TAF1B: variants seen among roughly 807,000 people sequenced by gnomAD.
TAF1B encodes TATA-box binding protein associated factor, RNA polymerase I subunit B, also known as TATA box-binding protein-associated factor RNA polymerase I subunit B.
A neutral mutation model predicts 83.9 loss-of-function variants in TAF1B; 61 were observed. That is an observed-to-expected ratio of 0.73 (90% CI 0.59 to 0.90). TAF1B has a LOEUF of 0.90. Among genes scored for constraint, TAF1B ranks in the 40% least tolerant of loss-of-function variants. TAF1B has a pLI of 0.00. For missense variants in TAF1B, 625 were observed against 677.0 expected, an observed-to-expected ratio of 0.92 and a Z score of 0.85; for synonymous variants, 221 against 224.6, an observed-to-expected ratio of 0.98 and a Z score of 0.14.
intron 8 of TAF1B, among the ~76,000 whole-genome samples, chr2:9,898,324 TTC>T (rs1190505623): frequency 6.6e-6 from 1 of 152,206 alleles, no homozygotes; most frequent in East Asian, 1.9e-4. Flanking sequence ...TTGCAAGTGA[TTC>T]TGATGGAGAT....
At chr2:9,895,813 CTTTTT>C (rs34044860) in intron 8 of TAF1B, among the ~76,000 whole-genome samples, 3 of 112,476 alleles carry the variant, frequency 2.7e-5, no homozygotes, top group Non-Finnish European at 1.8e-5. Flanking sequence ...GCACTGCACT[CTTTTT>C]TTTTTTTTTT....
intron 6 of TAF1B, among the ~76,000 whole-genome samples, chr2:9,873,696 A>G (rs1006041654): frequency 6.6e-6 from 1 of 150,896 alleles, no homozygotes; most frequent in Non-Finnish European, 1.5e-5. Context: ...GCTCAGGCCA[A>G]CAACCTTATA....
intron 8 of TAF1B, among the ~76,000 whole-genome samples, chr2:9,900,766 A>G (rs1665157490): frequency 3.3e-5 from 5 of 152,124 alleles, no homozygotes. Flanking sequence ...ATGTTCCTAA[A>G]TGTTTGCTTT....
At chr2:9,911,468 A>G (rs955939755) in intron 10 of TAF1B, 43 bp from the exon 11 acceptor site, 2 of 1,405,490 alleles carry the variant, frequency 1.4e-6, no homozygotes, top group Non-Finnish European at 1.9e-6. Flanking sequence ...CTTTCCAAAT[A>G]CATGACTTCT....
intron 8 of TAF1B, among the ~76,000 whole-genome samples, chr2:9,899,559 T>C (rs1572264121): frequency 6.6e-6 from 1 of 152,238 alleles, no homozygotes; most frequent in South Asian, 2.1e-4. Context: ...AACATTGGTA[T>C]ACAAATATTT....
chr2:9,852,200 T>C, intron 4 of TAF1B: 1 of 295,568 alleles, frequency 3.4e-6, no homozygotes, highest in Non-Finnish European at 6.7e-6. Context: ...AGAATGTGCA[T>C]TTCTAACAAG....
rs925983855 is a variant in TAF1B, at chr2:9,858,906, G to T, written c.399+4485G>T. Among the ~76,000 whole-genome samples, 75 of 152,302 alleles carry T rather than the reference G, an allele frequency of 4.9e-4. 2 individuals are homozygous for T. The highest frequency in any genetic ancestry group is 1.6e-3 in the African/African-American group (67 of 41,558). ...GGCATCTGGGCCTGTGATGGGAGGGGCTGTCTCGAAGATCTCTGACATGCC... is the reference window on the plus strand; with the variant it reads ...GGCATCTGGGCCTGTGATGGGAGGGTCTGTCTCGAAGATCTCTGACATGCC... On this transcript the variant is annotated intron_variant, in intron 5 of 14. Transcript: ENST00000263663.
intron 5 of TAF1B, among the ~76,000 whole-genome samples, chr2:9,856,260 T>C (rs1263945918): frequency 6.6e-6 from 1 of 151,758 alleles, no homozygotes; most frequent in Non-Finnish European, 1.5e-5. Flanking sequence ...GGTTAAATGT[T>C]ATCCTGGCGG....
chr2:9,916,169 T>G (rs1289925851), intron 12 of TAF1B, among the ~76,000 whole-genome samples: 1 of 152,208 alleles, frequency 6.6e-6, no homozygotes, highest in Non-Finnish European at 1.5e-5. Flanking sequence ...TTGTCAGTGC[T>G]AGCAGAACTA....
At chr2:9,861,321 G>A (rs900890153) in intron 5 of TAF1B, among the ~76,000 whole-genome samples, 7 of 152,262 alleles carry the variant, frequency 4.6e-5, no homozygotes, top group African/African-American at 1.7e-4. Flanking sequence ...GGCTTGGAGG[G>A]TGCTATGCCC....
intron 8 of TAF1B, among the ~76,000 whole-genome samples, chr2:9,883,982 G>T (rs11691885): frequency 0.31 from 47,818 of 152,082 alleles, 7,928 homozygotes; most frequent in African/African-American, 0.39. Flanking sequence ...CGCCCACTCC[G>T]CCTGGCAGGC....
intron 8 of TAF1B, among the ~76,000 whole-genome samples, chr2:9,903,346 A>G (rs1665241621): frequency 1.3e-5 from 2 of 152,094 alleles, no homozygotes; most frequent in African/African-American, 4.8e-5. Context: ...CGGCCTCCCA[A>G]AGTGCTGGGA....
At chr2:9,918,071 CAAAAA>C (rs777139466) in intron 12 of TAF1B, among the ~76,000 whole-genome samples, 1 of 111,696 alleles carries the variant, frequency 9.0e-6, no homozygotes, top group Non-Finnish European at 1.8e-5. Context: ...GACTCCGTCT[CAAAAA>C]AAAAAAAAGA....
At position 9,862,554 on chromosome 2, in the gene TAF1B, G is replaced by C. The variant is rs561960370; in HGVS notation, c.400-5722G>C. On this transcript the variant is annotated intron_variant, in intron 5 of 14. Coordinates refer to ENST00000263663, the MANE Select transcript of TAF1B (RefSeq NM_005680.3). ...TATCCAGGAGAACTTCCCCAATCTAGCAAGGCAGGCCAACATTCAAATTCA... is the reference window on the plus strand; with the variant it reads ...TATCCAGGAGAACTTCCCCAATCTACCAAGGCAGGCCAACATTCAAATTCA... 3.3e-5 allele frequency among the ~76,000 whole-genome samples: 5 copies of C among 152,302 alleles called. No homozygotes were observed. In the East Asian group the frequency reaches 9.6e-4, roughly 29 times the overall value.
chr2:9,879,265 A>AT (rs1664419169), intron 7 of TAF1B, among the ~76,000 whole-genome samples: 1 of 152,198 alleles, frequency 6.6e-6, no homozygotes, highest in Admixed American at 6.5e-5. Context: ...TGAGGCTGTT[A>AT]TTAAGTAAAA....
intron 6 of TAF1B, among the ~76,000 whole-genome samples, chr2:9,873,313 G>T (rs1219129378): frequency 6.6e-6 from 1 of 152,192 alleles, no homozygotes; most frequent in African/African-American, 2.4e-5. Context: ...AGGACTTACA[G>T]AATTTGGAGA....
chr2:9,900,538 A>AAAT (rs781648764), intron 8 of TAF1B, among the ~76,000 whole-genome samples: 4 of 152,104 alleles, frequency 2.6e-5, no homozygotes, highest in Non-Finnish European at 4.4e-5. Flanking sequence ...CCTGTCTCAA[A>AAAT]AATAATAATA....
chr2:9,882,705 G>A lies in TAF1B; in HGVS notation c.708-1G>A. 5.6e-6 allele frequency: 9 copies of A among 1,597,422 alleles called. No homozygotes were observed. Among genetic ancestry groups the A allele is most frequent in the African/African-American group, 1.3e-5 (1 of 74,284 alleles). On this transcript the variant is annotated splice_acceptor_variant, in intron 7 of 14. Coordinates refer to ENST00000263663, the MANE Select transcript of TAF1B (RefSeq NM_005680.3). LOFTEE classifies it high-confidence loss of function. ...AAACCTTTTTCTTTTTAAAAATACA[G>A]GTTTGTTGAAGAGGACCATATTCCT... is the stretch of plus-strand genomic sequence containing the variant.
At chr2:9,873,312 A>G (rs1664225080) in intron 6 of TAF1B, among the ~76,000 whole-genome samples, 1 of 152,242 alleles carries the variant, frequency 6.6e-6, no homozygotes, top group African/African-American at 2.4e-5. Flanking sequence ...AAGGACTTAC[A>G]GAATTTGGAG....
Sources: gnomAD v4.1 joint callset for allele counts (sites outside exome capture counted in the v4.1 genomes callset) on GRCh38, gnomAD v4.1.1 for gene constraint, MANE v1.5 for transcripts, NCBI Gene and HGNC (gene_info 2026-07-23, HGNC 2026-07-21) for gene names.